Variants in ECE2 observed in about 807,000 individuals in gnomAD.
ECE2 encodes the protein endothelin converting enzyme 2.
Under a neutral mutation model 100.6 loss-of-function variants are expected in ECE2, and 81 were observed. The ratio of observed to expected loss-of-function variants is 0.81; its 90% CI spans 0.67 to 0.97. The LOEUF (loss-of-function observed/expected upper bound fraction) is 0.97, where lower values mean the gene tolerates loss of function less well. Ranked by LOEUF, ECE2 falls within the 50% of genes least tolerant of loss-of-function variation. The pLI, the probability that ECE2 is intolerant of heterozygous loss-of-function variation, is 0.00. For synonymous variants in ECE2, 391 were observed against 391.5 expected (o/e 1.00, Z 0.02); for missense variants, 911 against 988.1 (o/e 0.92, Z 1.05).
rs752703166 is a variant in ECE2, at chr3:184,291,472, C to T, written c.2121+33C>T. The T allele has an allele frequency of 2.0e-6, 3 of 1,530,220 alleles. No individual in the cohort carries two copies. In the South Asian group the frequency reaches 3.9e-5, roughly 20 times the overall value. The allele number at this position is 1,530,220 out of a possible 1,614,324, so 94.8% of individuals were successfully genotyped here. A position where few individuals can be genotyped will look rare whatever the true frequency, so the allele number is the denominator to read the frequency against. On this transcript the variant is annotated intron_variant, in intron 18 of 18. Coordinates refer to ENST00000404464, the MANE Select transcript of ECE2 (RefSeq NM_001100121.2). This position sits in a 1 kb window ranked among gnomAD's most constrained non-coding sequence, Gnocchi z 4.1. ...CCTCTCGGAAGGCCTGGGGTCTGCC[C>T]CTTTGTCCTGCTCCCTCCTGAGTAT...
rs994666960 is a variant in ECE2, at chr3:184,291,236, T to G, written c.2025+6T>G. On this transcript the variant is annotated splice_donor_region_variant and intron_variant, in intron 17 of 18. Transcript: ENST00000404464. The surrounding 1 kb of genome is among the most constrained non-coding windows in gnomAD (Gnocchi z 4.1). ...GGCTGAAGGCTGCCTACAATGTGAG[T>G]GGCCTGACCAGCCCTCCAGCGGCTG... is the stretch of plus-strand genomic sequence containing the variant. 5.0e-6 allele frequency: 8 copies of G among 1,608,858 alleles called. No homozygotes were observed. Among genetic ancestry groups the G allele is most frequent in the Non-Finnish European group, 6.8e-6 (8 of 1,177,216 alleles).
chr3:184,278,610 T>A lies in ECE2; in HGVS notation c.816+53T>A, dbSNP rs530680421. ...CCTACCCCTGGCTGAGCTGGGCTGA[T>A]CCCTGTTGACTTTTCCCTTTGCCAA... On this transcript the variant is annotated intron_variant, in intron 7 of 18. Coordinates refer to ENST00000404464, the MANE Select transcript of ECE2 (RefSeq NM_001100121.2). 6.9e-6 allele frequency: 11 copies of A among 1,596,408 alleles called. No individual in the cohort carries two copies. In the East Asian group the frequency reaches 2.5e-4, roughly 36 times the overall value.
At chr3:184,287,413 C>T (rs760829848) in intron 10 of ECE2, among the ~76,000 whole-genome samples, 2 of 150,384 alleles carry the variant, frequency 1.3e-5, no homozygotes, top group Non-Finnish European at 3.0e-5. Flanking sequence ...AGTTGTGGGC[C>T]GGGCACGGTG....
rs778542107 is a variant in ECE2, at chr3:184,292,196, C to T, written c.2256C>T (p.Val752=). 45 of 1,614,014 alleles carry T rather than the reference C, an allele frequency of 2.8e-5. No individual in the cohort carries two copies. The highest frequency in any genetic ancestry group is 2.5e-4 in the Admixed American group (15 of 60,010). Residue 752 remains valine, a synonymous_variant, in exon 19 of 19, where the codon GTC becomes GTT. Transcript: ENST00000404464. ...RDFLRHFGCP[V]GSPMNPGQLC... The stretch of plus-strand genomic sequence containing the variant: ...TCCTGCGGCACTTCGGCTGCCCTGT[C>T]GGCTCCCCCATGAACCCAGGGCAGC...
chr3:184,279,857 T>G (rs1720745339), intron 7 of ECE2, among the ~76,000 whole-genome samples: 1 of 151,804 alleles, frequency 6.6e-6, no homozygotes, highest in Non-Finnish European at 1.5e-5. Flanking sequence ...TGCTCCAAAG[T>G]AGGGAGGGAG....
Position 184,291,500 on chromosome 3 carries a change from C to A in ECE2, c.2121+61C>A. 1.4e-6 allele frequency: 2 copies of A among 1,416,256 alleles called. No homozygotes were observed. Among genetic ancestry groups the A allele is most frequent in the South Asian group, 1.5e-5 (1 of 68,452 alleles). The allele number at this position is 1,416,256 out of a possible 1,614,324, so 87.7% of individuals were successfully genotyped here. Reference sequence around the variant, plus strand: ...TTGTCCTGCTCCCTCCTGAGTATGTCATTAGGAGAACTCTGGGGCACGTGT... The same window carrying A: ...TTGTCCTGCTCCCTCCTGAGTATGTAATTAGGAGAACTCTGGGGCACGTGT... On this transcript the variant is annotated intron_variant, in intron 18 of 18. Coordinates refer to ENST00000404464, the MANE Select transcript of ECE2 (RefSeq NM_001100121.2). The surrounding 1 kb of genome is among the most constrained non-coding windows in gnomAD (Gnocchi z 4.1).
chr3:184,279,321 A>C (rs1196986155), intron 7 of ECE2, among the ~76,000 whole-genome samples: 1 of 150,290 alleles, frequency 6.7e-6, no homozygotes, highest in East Asian at 1.9e-4. Flanking sequence ...AAAAAAAAAA[A>C]AAAAAAAGAA....
At position 184,287,592 on chromosome 3, in the gene ECE2, G is replaced by A. The variant is rs150943617; in HGVS notation, c.1264-245G>A. Among the ~76,000 whole-genome samples the A allele has an allele frequency of 3.5e-3, 530 of 152,306 alleles. 17 individuals are homozygous for A. Among genetic ancestry groups the A allele is most frequent in the Admixed American group, 0.026 (394 of 15,306 alleles). On this transcript the variant is annotated intron_variant, in intron 10 of 18. Transcript: ENST00000404464. The stretch of plus-strand genomic sequence containing the variant: ...TGCCTGGGGTCCCAGCTATTCGAGA[G>A]GCTGAGGTGGGAGGATCGCTTGAGC...
At position 184,289,517 on chromosome 3, in the gene ECE2, C is replaced by A. The variant is rs1330634594; in HGVS notation, c.1455C>A (p.Arg485=). The A allele has an allele frequency of 4.3e-6, 7 of 1,612,748 alleles. No individual in the cohort carries two copies. In the African/African-American group the frequency reaches 6.7e-5, roughly 15 times the overall value. ...GQLVWMDEKT[R]QAAKEKADAI... ...TGGTTTGGATGGATGAGAAGACCCG[C>A]CAGGCAGCCAAGGAGAAAGTGAGCG... is the stretch of plus-strand genomic sequence containing the variant. Residue 485 remains arginine (R), a synonymous_variant, in exon 12 of 19, where the codon CGC becomes CGA. Transcript: ENST00000404464. This position sits in a 1 kb window ranked among gnomAD's most constrained non-coding sequence, Gnocchi z 4.1.
At chr3:184,278,420 AC>A in intron 6 of ECE2, 71 bp from the exon 7 acceptor site, 1 of 1,592,568 alleles carries the variant, frequency 6.3e-7, no homozygotes, top group Non-Finnish European at 8.6e-7. Context: ...CCCCACCCCT[AC>A]CCCCGCTCGG....
intron 7 of ECE2, among the ~76,000 whole-genome samples, chr3:184,282,029 G>A (rs1720833723): frequency 6.6e-6 from 1 of 151,960 alleles, no homozygotes; most frequent in Non-Finnish European, 1.5e-5. Context: ...AACCCGGGAG[G>A]CGGAGGTTGC....
In ECE2 at chr3:184,284,984, T is replaced by C; in HGVS notation, c.1027T>C (p.Trp343Arg). 1 of 1,614,098 alleles carries C rather than the reference T, an allele frequency of 6.2e-7. No individual in the cohort carries two copies. The highest frequency in any genetic ancestry group is 1.7e-5 in the Admixed American group (1 of 59,998). The change falls in exon 9 of 19, where the codon TGG becomes CGG. Residue 343 changes from tryptophan (W) to arginine (R), a missense_variant. By Grantham distance (101) the Trp-to-Arg change is moderately radical. Coordinates refer to ENST00000404464, the MANE Select transcript of ECE2 (RefSeq NM_001100121.2). The part of the protein sequence containing the change: ...ELQALAPSMD[W>R]LEFLSFLLSP... ...TCAGGCTCTGGCGCCCTCCATGGAC[T>C]GGCTTGAGTTCCTGTCTTTCTTGCT... is the stretch of plus-strand genomic sequence containing the variant.
intron 3 of ECE2, 60 bp from the exon 4 acceptor site, chr3:184,277,191 G>T (rs1720594732): frequency 6.2e-7 from 1 of 1,609,198 alleles, no homozygotes; most frequent in African/African-American, 1.3e-5. Flanking sequence ...TGCAGAGTTT[G>T]CCTCTTCCAG....
chr3:184,287,475 T>C (rs1721109153), intron 10 of ECE2, among the ~76,000 whole-genome samples: 1 of 151,888 alleles, frequency 6.6e-6, no homozygotes, highest in Non-Finnish European at 1.5e-5. Flanking sequence ...GCAGATCACT[T>C]GAGCTCAGGA....
chr3:184,285,194 C>A, intron 9 of ECE2, 89 bp downstream of exon 9: 1 of 1,512,060 alleles, frequency 6.6e-7, no homozygotes, highest in South Asian at 1.3e-5. Context: ...CACAGAACAA[C>A]ATTTGGTAAT....
At position 184,276,132 on chromosome 3, in the gene ECE2, C is replaced by A. The variant is rs1720532805; in HGVS notation, c.-22C>A. ...GGGCCAGCTGCCGGGAGCCCTGAAT[C>A]ACCGCCTGGCCCGACTCCACCATGA... On this transcript the variant is annotated 5_prime_UTR_variant, in exon 1 of 19. Coordinates refer to ENST00000404464, the MANE Select transcript of ECE2 (RefSeq NM_001100121.2). 7.5e-7 allele frequency: 1 copy of A among 1,341,320 alleles called. No individual in the cohort carries two copies. The highest frequency in any genetic ancestry group is 9.5e-7 in the Non-Finnish European group (1 of 1,050,322). 83.1% of individuals were successfully genotyped at this position (1,341,320 alleles called of 1,614,324 possible). A position where few individuals can be genotyped will look rare whatever the true frequency, so the allele number is the denominator to read the frequency against.
intron 9 of ECE2, 138 bp downstream of exon 9, chr3:184,285,243 G>A (rs1720984672): frequency 1.5e-6 from 2 of 1,294,660 alleles, no homozygotes; most frequent in South Asian, 2.9e-5. Flanking sequence ...AATGTCTATG[G>A]GCTTTTCCTC....
Position 184,289,324 on chromosome 3 carries a change from T to A in ECE2, c.1375-113T>A. The A allele has an allele frequency of 2.2e-6, 2 of 927,060 alleles. No individual in the cohort carries two copies. The highest frequency in any genetic ancestry group is 3.4e-6 in the Non-Finnish European group (2 of 588,040). The allele number at this position is 927,060 out of a possible 1,614,324, so 57.4% of individuals were successfully genotyped here. On this transcript the variant is annotated intron_variant, in intron 11 of 18. Transcript: ENST00000404464. This position sits in a 1 kb window ranked among gnomAD's most constrained non-coding sequence, Gnocchi z 4.1. ...CAGGTGCTCAGCCGTATTTCTTTAG[T>A]CTAGACGTTCCCATTTCCCCTGGGT...
At position 184,278,574 on chromosome 3, in the gene ECE2, G is replaced by A. The variant is rs760369766; in HGVS notation, c.816+17G>A. ...AATGAGAAAGTAAGGAACATCTTCC[G>A]AACCCCCATCCCTACCCCTGGCTGA... On this transcript the variant is annotated intron_variant, in intron 7 of 18. Coordinates refer to ENST00000404464, the MANE Select transcript of ECE2 (RefSeq NM_001100121.2). 27 of 1,613,618 alleles carry A rather than the reference G, an allele frequency of 1.7e-5. No individual in the cohort carries two copies. In the South Asian group the frequency reaches 2.0e-4, roughly 12 times the overall value.
Sources: gnomAD v4.1 joint callset for allele counts (sites outside exome capture counted in the v4.1 genomes callset) on GRCh38, gnomAD v4.1.1 for gene constraint, Gnocchi (gnomAD v3.1) non-coding constraint, MANE v1.5 for transcripts, NCBI Gene and HGNC (gene_info 2026-07-23, HGNC 2026-07-21) for gene names.